Variants in RMDN2 observed in about 807,000 individuals in gnomAD.
RMDN2 encodes the protein regulator of microtubule dynamics protein 2.
A neutral mutation model predicts 52.8 loss-of-function variants in RMDN2; 61 were observed. The ratio of observed to expected loss-of-function variants is 1.16; its 90% CI spans 0.94 to 1.43. The LOEUF (loss-of-function observed/expected upper bound fraction) is 1.43. Ranked by LOEUF, RMDN2 falls within the 40% of genes most tolerant of loss-of-function variation. The probability of loss-of-function intolerance (pLI) is 0.00; values close to 1 mark genes in which losing one functional copy is unlikely to be tolerated. For synonymous variants in RMDN2, 180 were observed against 153.1 expected (o/e 1.18, Z -1.30); for missense variants, 592 against 475.3 (o/e 1.25, Z -2.28).
intron 5 of RMDN2, among the ~76,000 whole-genome samples, chr2:37,982,183 A>G (rs1673408669): frequency 6.6e-6 from 1 of 152,206 alleles, no homozygotes; most frequent in Admixed American, 6.5e-5. Flanking sequence ...CCCTTTCCAC[A>G]GGTCCACATT....
Position 37,978,091 on chromosome 2 carries a change from G to A in RMDN2, c.730+2777G>A, listed in dbSNP as rs189087976. On this transcript the variant is annotated intron_variant, in intron 4 of 10. Transcript: ENST00000354545. ...CCCGACACCTCGGGAGGCCGAGGCT[G>A]GCAGATCACTCGCGATCAGGAGCTA... Among the ~76,000 whole-genome samples the A allele has an allele frequency of 5.5e-3, 844 of 152,340 alleles. 4 individuals are homozygous for A. The highest frequency in any genetic ancestry group is 0.014 in the Middle Eastern group (4 of 294).
chr2:38,003,974 T>C lies in RMDN2; in HGVS notation c.1045-17T>C, dbSNP rs1441406475. On this transcript the variant is annotated splice_polypyrimidine_tract_variant and intron_variant, in intron 8 of 10. Transcript: ENST00000354545. ...AATATTGCCCTGTTATTCTCTCATG[T>C]TTTTCTCTCAAATCAGGCTGAAGAA... is the stretch of plus-strand genomic sequence containing the variant. 6.3e-7 allele frequency: 1 copy of C among 1,594,046 alleles called. No homozygotes were observed. The highest frequency in any genetic ancestry group is 1.7e-5 in the Admixed American group (1 of 59,986).
intron 2 of RMDN2, among the ~76,000 whole-genome samples, chr2:37,961,154 T>C (rs1053642206): frequency 1.3e-5 from 2 of 152,120 alleles, no homozygotes; most frequent in Non-Finnish European, 2.9e-5. Context: ...GTGAATCTGA[T>C]GATTATGTGT....
At chr2:37,974,531 G>T (rs1479809705) in intron 3 of RMDN2, among the ~76,000 whole-genome samples, 1 of 149,928 alleles carries the variant, frequency 6.7e-6, no homozygotes, top group African/African-American at 2.4e-5. Context: ...TTTTGAGACA[G>T]ATATGGGTAT....
At chr2:38,067,012 G>A in exon 11 of RMDN2, 1 of 1,613,296 alleles carries the variant, frequency 6.2e-7, no homozygotes, top group Non-Finnish European at 8.5e-7. Context: ...AAGAGCCTTT[G>A]GTACCGCAAG....
intron 2 of RMDN2, among the ~76,000 whole-genome samples, chr2:37,956,441 C>T (rs1572789874): frequency 6.6e-6 from 1 of 151,960 alleles, no homozygotes; most frequent in African/African-American, 2.4e-5. Flanking sequence ...TTTTTGTAGT[C>T]CAGCTAAAGG....
At chr2:38,023,018 G>A (rs1367752584) in intron 10 of RMDN2, among the ~76,000 whole-genome samples, 1 of 152,210 alleles carries the variant, frequency 6.6e-6, no homozygotes, top group Non-Finnish European at 1.5e-5. Flanking sequence ...TGTGTCTGAT[G>A]TAGAATGGGG....
At chr2:38,018,975 C>T (rs755949378), downstream of RMDN2, among the ~76,000 whole-genome samples, 1 of 152,178 alleles carries the variant, frequency 6.6e-6, no homozygotes, top group African/African-American at 2.4e-5. Context: ...ACCCCCTAGC[C>T]CCATCTTCTA....
At chr2:37,953,349 ACT>A (rs914278425) in intron 2 of RMDN2, among the ~76,000 whole-genome samples, 3 of 151,416 alleles carry the variant, frequency 2.0e-5, no homozygotes, top group African/African-American at 4.9e-5. Context: ...AGAACTCTCT[ACT>A]CTCTCTCCCT....
chr2:37,952,996 T>C (rs1010851973), intron 2 of RMDN2: 3 of 152,002 alleles, frequency 2.0e-5, no homozygotes, highest in African/African-American at 4.8e-5. Flanking sequence ...ATGTAAGCAA[T>C]TGAAAACATT....
chr2:37,948,852 A>G (rs1372444724), intron 2 of RMDN2, among the ~76,000 whole-genome samples: 1 of 152,056 alleles, frequency 6.6e-6, no homozygotes, highest in Non-Finnish European at 1.5e-5. Flanking sequence ...CCTCTTTATT[A>G]CCTCGACTGA....
chr2:37,974,771 G>T, intron 3 of RMDN2: 1 of 165,112 alleles, frequency 6.1e-6, no homozygotes, highest in Non-Finnish European at 1.3e-5. Flanking sequence ...AGCTCTCCAG[G>T]ATTATATTTA....
chr2:37,981,372 TA>T, intron 5 of RMDN2, 29 bp downstream of exon 5: 10 of 1,440,736 alleles, frequency 6.9e-6, no homozygotes, highest in Non-Finnish European at 9.7e-6. Flanking sequence ...TGCAGTCTTT[TA>T]AATTCTAACC....
chr2:38,010,653 A>G (rs887879440), intron 10 of RMDN2, among the ~76,000 whole-genome samples: 2 of 152,090 alleles, frequency 1.3e-5, no homozygotes, highest in Admixed American at 6.5e-5. Context: ...TACCCTTTGC[A>G]CTTCCCAGGT....
At chr2:37,983,470 A>G (rs1673596682) in intron 5 of RMDN2, among the ~76,000 whole-genome samples, 1 of 152,218 alleles carries the variant, frequency 6.6e-6, no homozygotes, top group African/African-American at 2.4e-5. Context: ...AATCTTATCA[A>G]AACACAGAGT....
chr2:37,993,024 C>T lies in RMDN2; in HGVS notation c.945+1727C>T, dbSNP rs1431717736. 4.6e-5 allele frequency among the ~76,000 whole-genome samples: 7 copies of T among 152,140 alleles called. No individual in the cohort carries two copies. The South Asian group carries it at 1.4e-3, about 31-fold the overall frequency. On this transcript the variant is annotated intron_variant, in intron 7 of 10. Transcript: ENST00000354545. ...CCACCTTCTGGGTTCAAGTGATTCT[C>T]TTGACTCAGCCTCCCGAGTAGCTGG... is the stretch of plus-strand genomic sequence containing the variant.
At chr2:37,956,925 G>A (rs1000223659) in intron 2 of RMDN2, among the ~76,000 whole-genome samples, 1 of 151,982 alleles carries the variant, frequency 6.6e-6, no homozygotes, top group African/African-American at 2.4e-5. Flanking sequence ...CTGTTCCTGT[G>A]CTAGTTTGCT....
chr2:38,004,822 A>G (rs910780107), intron 10 of RMDN2, among the ~76,000 whole-genome samples: 5 of 151,792 alleles, frequency 3.3e-5, no homozygotes, highest in Non-Finnish European at 7.4e-5. Context: ...TTAGGTATAT[A>G]TATCTCCTAA....
intron 10 of RMDN2, among the ~76,000 whole-genome samples, chr2:38,034,406 A>G (rs1460400024): frequency 6.6e-6 from 1 of 152,202 alleles, no homozygotes; most frequent in East Asian, 1.9e-4. Context: ...CTGGCATAGA[A>G]GAAGACATTC....
Sources: gnomAD v4.1 joint callset for allele counts (sites outside exome capture counted in the v4.1 genomes callset) on GRCh38, gnomAD v4.1.1 for gene constraint, MANE v1.5 for transcripts, NCBI Gene and HGNC (gene_info 2026-07-23, HGNC 2026-07-21) for gene names.